The following PKNOX1 variants were observed in gnomAD, a reference collection of about 807,000 sequenced individuals.
The protein encoded by PKNOX1 is PBX/knotted 1 homeobox 1, also known as homeobox protein PKNOX1.
Under a neutral mutation model 51.9 loss-of-function variants are expected in PKNOX1, and 15 were observed. The ratio of observed to expected loss-of-function variants is 0.29; its 90% CI spans 0.19 to 0.45. The LOEUF (loss-of-function observed/expected upper bound fraction) is 0.45, where lower values mean the gene tolerates loss of function less well. Among genes scored for constraint, PKNOX1 ranks in the 20% least tolerant of loss-of-function variants. PKNOX1 has a pLI of 1.00. For missense variants in PKNOX1, 462 were observed against 547.5 expected (o/e 0.84, Z 1.56); for synonymous variants, 219 against 211.1 (o/e 1.04, Z -0.32).
intron 5 of PKNOX1, 46 bp downstream of exon 5, chr21:43,013,284 C>G: frequency 7.2e-7 from 1 of 1,398,584 alleles, no homozygotes. Flanking sequence ...CCACTGTGAA[C>G]ATCTGCATTG....
intron 1 of PKNOX1, among the ~76,000 whole-genome samples, chr21:42,981,443 T>C (rs1466673710): frequency 1.3e-5 from 2 of 152,278 alleles, no homozygotes; most frequent in African/African-American, 2.4e-5. Context: ...AGTCAACGTG[T>C]TGTCTGGCAT....
intron 1 of PKNOX1, among the ~76,000 whole-genome samples, chr21:42,991,720 C>T (rs1016769662): frequency 1.5e-5 from 2 of 137,480 alleles, no homozygotes; most frequent in Non-Finnish European, 3.1e-5. Flanking sequence ...GGCGACAGAG[C>T]GAGACTCCGT....
intron 9 of PKNOX1, among the ~76,000 whole-genome samples, chr21:43,025,194 T>C (rs955249350): frequency 2.0e-5 from 3 of 152,144 alleles, no homozygotes; most frequent in Non-Finnish European, 2.9e-5. Flanking sequence ...ACTAAAAATA[T>C]GAGTTCTTTT....
intron 1 of PKNOX1, among the ~76,000 whole-genome samples, chr21:42,982,667 G>A (rs932028618): frequency 6.8e-6 from 1 of 146,012 alleles, no homozygotes; most frequent in Non-Finnish European, 1.5e-5. Context: ...GGAGGTGGAG[G>A]TTATGGTGAG....
At chr21:42,986,081 TCTTTAGGGGACATATGTGGGC>T (rs2059051297) in intron 1 of PKNOX1, among the ~76,000 whole-genome samples, 1 of 152,080 alleles carries the variant, frequency 6.6e-6, no homozygotes, top group Non-Finnish European at 1.5e-5. Flanking sequence ...TTTTGTTTTG[TCTTTAGGGGACATATGTGGGC>T]CTTTGGGTTA....
intron 10 of PKNOX1, among the ~76,000 whole-genome samples, chr21:43,029,187 C>G (rs1980116141): frequency 6.6e-6 from 1 of 152,184 alleles, no homozygotes; most frequent in South Asian, 2.1e-4. Context: ...CTCCTTTTCC[C>G]TCCGACGCCG....
At position 42,995,989 on chromosome 21, in the gene PKNOX1, C is replaced by T. The variant is rs73370250; in HGVS notation, c.-56-8337C>T. Among the ~76,000 whole-genome samples the T allele has an allele frequency of 4.1e-3, 626 of 151,962 alleles. 4 individuals carry two copies. The highest frequency in any genetic ancestry group is 0.014 in the African/African-American group (591 of 41,438). Reference sequence around the variant, plus strand: ...TAGTGCTTTGGGAGGCAAGGCAGGACGATAGCTTGAGGCCAGGAGCTTGAG... The same window carrying T: ...TAGTGCTTTGGGAGGCAAGGCAGGATGATAGCTTGAGGCCAGGAGCTTGAG... On this transcript the variant is annotated intron_variant, in intron 1 of 10. Transcript: ENST00000291547.
At chr21:43,001,882 C>T (rs976059963) in intron 1 of PKNOX1, among the ~76,000 whole-genome samples, 1 of 151,948 alleles carries the variant, frequency 6.6e-6, no homozygotes, top group African/African-American at 2.4e-5. Flanking sequence ...ATGGTGTGAA[C>T]CTGGGAGATG....
chr21:42,990,770 T>C (rs1244686259), intron 1 of PKNOX1, among the ~76,000 whole-genome samples: 2 of 152,222 alleles, frequency 1.3e-5, no homozygotes, highest in Non-Finnish European at 2.9e-5. Context: ...TTAGGTTTGA[T>C]GAGCAATGAA....
In PKNOX1 at chr21:42,982,707, G is replaced by A. The variant is rs1372770336; in HGVS notation, c.-57+8043G>A. ...GATCGCGCCATTGCACTCCAGCCTG[G>A]GCAACAAGAGCGAAACTCCATCTCA... On this transcript the variant is annotated intron_variant, in intron 1 of 10. Transcript: ENST00000291547. Among the ~76,000 whole-genome samples, 8 of 136,972 alleles carry A rather than the reference G, an allele frequency of 5.8e-5. No homozygotes were observed. In the East Asian group the frequency reaches 1.7e-3, roughly 29 times the overall value. 89.9% of individuals were successfully genotyped at this position (136,972 alleles called of 152,430 possible).
chr21:42,999,226 C>T (rs1252558036), intron 1 of PKNOX1, among the ~76,000 whole-genome samples: 1 of 152,240 alleles, frequency 6.6e-6, no homozygotes, highest in Non-Finnish European at 1.5e-5. Context: ...CCCTTTTCAG[C>T]CACGGCTGGA....
chr21:42,999,102 C>T (rs1364562057), intron 1 of PKNOX1, among the ~76,000 whole-genome samples: 4 of 152,240 alleles, frequency 2.6e-5, no homozygotes, highest in African/African-American at 4.8e-5. Context: ...GAAATCTAGG[C>T]GGAGGTTCCC....
Position 43,030,260 on chromosome 21 carries a change from A to AGTGTGT in PKNOX1, c.*187_*192dup, listed in dbSNP as rs9325621. ...TTTGCCGGTGCAGCGACTTCTTTCA[A>AGTGTGT]GTGTGTGTGTGTGTGTGTGTGTGTG... On this transcript the variant is annotated 3_prime_UTR_variant, in exon 11 of 11. Transcript: ENST00000291547. The AGTGTGT allele has an allele frequency of 7.1e-4, 326 of 457,998 alleles. No individual in the cohort carries two copies. The highest frequency in any genetic ancestry group is 1.1e-3 in the Middle Eastern group (2 of 1,750). The allele number at this position is 457,998 out of a possible 1,614,324, so 28.4% of individuals were successfully genotyped here.
At chr21:43,004,278 A>G (rs1248531406) in intron 1 of PKNOX1, 48 bp from the exon 2 acceptor site, 16 of 794,734 alleles carry the variant, frequency 2.0e-5, no homozygotes, top group Non-Finnish European at 3.5e-5. Flanking sequence ...GGGAGACAAA[A>G]AATGCTCTAC....
chr21:43,029,221 G>A (rs1315826402), intron 10 of PKNOX1, among the ~76,000 whole-genome samples: 1 of 151,932 alleles, frequency 6.6e-6, no homozygotes, highest in African/African-American at 2.4e-5. Flanking sequence ...GACTTACCCC[G>A]TTCTCACCAC....
At chr21:43,024,541 C>CTATAGATTG (rs1979906860) in intron 8 of PKNOX1, 1 of 233,938 alleles carries the variant, frequency 4.3e-6, no homozygotes, top group African/African-American at 2.3e-5. Flanking sequence ...GATAAAGAAT[C>CTATAGATTG]TATAGATTGT....
intron 1 of PKNOX1, among the ~76,000 whole-genome samples, chr21:42,987,398 A>ATATATATATATATATATAT (rs1555858083): frequency 2.4e-4 from 22 of 91,812 alleles, no homozygotes; most frequent in African/African-American, 1.0e-3. Context: ...AAAAAAAAAA[A>ATATATATATATATATATAT]AAAAAAATAT....
At chr21:43,027,049 C>A (rs1400776186) in intron 9 of PKNOX1, among the ~76,000 whole-genome samples, 2 of 152,108 alleles carry the variant, frequency 1.3e-5, no homozygotes, top group Non-Finnish European at 2.9e-5. Flanking sequence ...GTCACAGTGA[C>A]AAACCAGAGT....
intron 1 of PKNOX1, among the ~76,000 whole-genome samples, chr21:42,997,285 A>G (rs894604798): frequency 6.6e-6 from 1 of 152,230 alleles, no homozygotes; most frequent in African/African-American, 2.4e-5. Flanking sequence ...GACTAGTGCT[A>G]TGCGTCAGCA....
Sources: allele counts gnomAD v4.1 joint callset (sites outside exome capture counted in the v4.1 genomes callset), GRCh38; gene constraint gnomAD v4.1.1; transcripts MANE v1.5; gene names NCBI Gene and HGNC (gene_info 2026-07-23, HGNC 2026-07-21).